Variants in ADCY10 observed in about 807,000 individuals in gnomAD.
ADCY10 encodes the protein adenylate cyclase 10.
A neutral mutation model predicts 183.3 loss-of-function variants in ADCY10; 156 were observed. The ratio of observed to expected loss-of-function variants is 0.85; its 90% confidence interval spans 0.75 to 0.97. The LOEUF is 0.97. ADCY10 is among the 50% of genes least tolerant of loss of function. ADCY10 has a pLI of 0.00. For synonymous variants in ADCY10, 645 were observed against 670.0 expected (o/e 0.96, Z 0.58); for missense variants, 1,745 against 1,934.3 (o/e 0.90, Z 1.84).
At chr1:167,829,077 T>C (rs183582709) in intron 26 of ADCY10, among the ~76,000 whole-genome samples, 190 bp downstream of exon 26, 47 of 152,334 alleles carry the variant, frequency 3.1e-4, no homozygotes, top group Admixed American at 2.4e-3. Flanking sequence ...GGATCTTCAA[T>C]AATTTTTAAG....
chr1:167,875,505 A>G lies in ADCY10; in HGVS notation c.1407-319T>C, dbSNP rs553080845. On this transcript the variant is annotated intron_variant, in intron 12 of 32. Transcript: ENST00000367851. ...CTGATATACGACCCAGTAGATTTCA[A>G]TGTGGTGCAGAGTCACACATCCTGC... Among the ~76,000 whole-genome samples, 167 of 152,356 alleles carry G rather than the reference A, an allele frequency of 1.1e-3. 1 individual carries two copies. Among genetic ancestry groups the G allele is most frequent in the African/African-American group, 3.8e-3 (159 of 41,586 alleles).
At chr1:167,832,921 G>T (rs745633233) in intron 25 of ADCY10, 66 bp downstream of exon 25, 19 of 1,555,702 alleles carry the variant, frequency 1.2e-5, no homozygotes, top group Non-Finnish European at 1.6e-5. Context: ...GGCTGACTTG[G>T]ATTATGTGTA....
chr1:167,828,700 G>T (rs139125480), intron 26 of ADCY10, among the ~76,000 whole-genome samples: 4,876 of 152,234 alleles, frequency 0.032, 153 homozygotes, highest in East Asian at 0.15. Context: ...AGTGCCTCAC[G>T]CCTGTAATCC....
chr1:167,913,054 A>G (rs1258638224), intron 1 of ADCY10, among the ~76,000 whole-genome samples: 1 of 152,182 alleles, frequency 6.6e-6, no homozygotes, highest in African/African-American at 2.4e-5. Flanking sequence ...ATTTAAGAGC[A>G]CTTTCAATGC....
intron 3 of ADCY10, 152 bp downstream of exon 3, chr1:167,903,735 T>C (rs1571461718): frequency 1.5e-6 from 1 of 655,144 alleles, no homozygotes; most frequent in Non-Finnish European, 2.8e-6. Context: ...AGTTATACTA[T>C]ATCATATTTC....
At chr1:167,809,915 A>G in intron 32 of ADCY10, 76 bp from the exon 33 acceptor site, 2 of 1,432,768 alleles carry the variant, frequency 1.4e-6, no homozygotes, top group Non-Finnish European at 2.0e-6. Flanking sequence ...CCAATATCAA[A>G]CAAGGCAAAA....
chr1:167,883,898 A>C (rs1023881451), intron 8 of ADCY10, among the ~76,000 whole-genome samples: 1 of 152,172 alleles, frequency 6.6e-6, no homozygotes, highest in African/African-American at 2.4e-5. Context: ...AATATGAGCC[A>C]TTGCAATAAG....
At chr1:167,863,246 C>A (rs1244395891) in intron 14 of ADCY10, among the ~76,000 whole-genome samples, 1 of 152,190 alleles carries the variant, frequency 6.6e-6, no homozygotes, top group Non-Finnish European at 1.5e-5. Context: ...GACCCCTGAC[C>A]TAGCAACTGT....
rs183031449 is a variant in ADCY10, at chr1:167,884,743, G to A, written c.829-1115C>T. ...GACGGAGTCTCGCTCTGTTGCTCAG[G>A]CTGGAGTGCAGTGGCGCGATCTCGG... is the stretch of plus-strand genomic sequence containing the variant. On this transcript the variant is annotated intron_variant, in intron 8 of 32. Transcript: ENST00000367851. Among the ~76,000 whole-genome samples the A allele has an allele frequency of 1.3e-3, 195 of 146,728 alleles. 1 individual carries two copies. The highest frequency in any genetic ancestry group is 4.8e-3 in the African/African-American group (188 of 39,242).
At chr1:167,872,542 GGACTGTTGTATGCAGTTTT>G (rs1192286091) in intron 13 of ADCY10, among the ~76,000 whole-genome samples, 1 of 151,252 alleles carries the variant, frequency 6.6e-6, no homozygotes, top group Non-Finnish European at 1.5e-5. Context: ...TCAATATCGG[GGACTGTTGTATGCAGTTTT>G]TACCCTAAAA....
At chr1:167,816,819 TAG>T (rs34839540) in intron 31 of ADCY10, among the ~76,000 whole-genome samples, 30,231 of 152,076 alleles carry the variant, frequency 0.2, 3,607 homozygotes, top group Admixed American at 0.26. Flanking sequence ...AGAAATTCTT[TAG>T]AGAGAAGGAA....
At chr1:167,886,312 A>G (rs1668219554) in intron 8 of ADCY10, among the ~76,000 whole-genome samples, 1 of 152,248 alleles carries the variant, frequency 6.6e-6, no homozygotes, top group Admixed American at 6.5e-5. Flanking sequence ...ACAAGGCTAC[A>G]GTAACCAAAA....
chr1:167,884,890 G>A (rs1668120710), intron 8 of ADCY10, among the ~76,000 whole-genome samples: 1 of 151,936 alleles, frequency 6.6e-6, no homozygotes, highest in Non-Finnish European at 1.5e-5. Flanking sequence ...TAGAGACGGG[G>A]TTTCACTGTG....
intron 8 of ADCY10, among the ~76,000 whole-genome samples, chr1:167,888,640 G>T (rs1668386686): frequency 6.6e-6 from 1 of 152,076 alleles, no homozygotes; most frequent in African/African-American, 2.4e-5. Flanking sequence ...ACTTTGGGAG[G>T]CCGAGGCGGG....
At chr1:167,869,777 A>AG (rs1371634288) in intron 14 of ADCY10, among the ~76,000 whole-genome samples, 2 of 152,112 alleles carry the variant, frequency 1.3e-5, no homozygotes, top group East Asian at 3.9e-4. Context: ...TTAAAAGGGC[A>AG]GAAGTTGAGC....
intron 17 of ADCY10, 79 bp downstream of exon 17, chr1:167,856,086 T>C: frequency 1.3e-6 from 2 of 1,507,714 alleles, no homozygotes; most frequent in Non-Finnish European, 1.8e-6. Context: ...TCAAGACACA[T>C]ACTAAGAAAT....
intron 13 of ADCY10, among the ~76,000 whole-genome samples, chr1:167,874,929 G>A (rs954041721): frequency 1.3e-5 from 2 of 152,234 alleles, no homozygotes; most frequent in East Asian, 1.9e-4. Flanking sequence ...ATAAGTAATC[G>A]AGGGTGTTAG....
intron 7 of ADCY10, among the ~76,000 whole-genome samples, chr1:167,894,824 T>C (rs1668846520): frequency 1.3e-5 from 2 of 152,252 alleles, no homozygotes; most frequent in East Asian, 3.9e-4. Context: ...TTGCAGCTAG[T>C]GTCTGAAGTT....
intron 30 of ADCY10, among the ~76,000 whole-genome samples, chr1:167,821,543 G>A (rs188981374): frequency 1.4e-4 from 22 of 152,350 alleles, no homozygotes; most frequent in Non-Finnish European, 2.8e-4. Flanking sequence ...TAGACCTACA[G>A]TTTTCCAGAA....
Sources: allele counts gnomAD v4.1 joint callset (sites outside exome capture counted in the v4.1 genomes callset), GRCh38; gene constraint gnomAD v4.1.1; transcripts MANE v1.5; gene names NCBI Gene and HGNC (gene_info 2026-07-23, HGNC 2026-07-21).